Variants in NXN observed in about 807,000 individuals in gnomAD.
The protein encoded by NXN is nucleoredoxin 1.
NXN carries 16 observed loss-of-function variants against 48.6 expected under a neutral mutation model. The observed-to-expected ratio is 0.33, with a 90% CI of 0.22 to 0.50. NXN has a LOEUF of 0.50. Among genes scored for constraint, NXN ranks in the 20% least tolerant of loss-of-function variants. The pLI is 0.98. For synonymous variants in NXN, 281 were observed against 269.6 expected (o/e 1.04, Z -0.41); for missense variants, 492 against 605.5 (o/e 0.81, Z 1.97).
intron 1 of NXN, among the ~76,000 whole-genome samples, chr17:963,024 C>T (rs1305071826): frequency 1.3e-5 from 2 of 152,088 alleles, no homozygotes; most frequent in South Asian, 2.1e-4. Flanking sequence ...TGTTCCTTGT[C>T]TCTAACTGTG....
At chr17:860,310 G>A (rs1056240319) in intron 1 of NXN, among the ~76,000 whole-genome samples, 1 of 145,690 alleles carries the variant, frequency 6.9e-6, no homozygotes, top group Non-Finnish European at 1.5e-5. Context: ...TTTCCATAGA[G>A]ACAGGGTTTC....
At chr17:831,571 C>G (rs1191907706) in intron 1 of NXN, among the ~76,000 whole-genome samples, 2 of 151,998 alleles carry the variant, frequency 1.3e-5, no homozygotes, top group Non-Finnish European at 2.9e-5. Context: ...GCAACCTCCC[C>G]TCATTGCAAC....
chr17:978,907 G>A lies in NXN; in HGVS notation c.360+412C>T, dbSNP rs1280645604. Among the ~76,000 whole-genome samples, 1 of 151,230 alleles carries A rather than the reference G, an allele frequency of 6.6e-6. No individual in the cohort carries two copies. The highest frequency in any genetic ancestry group is 1.5e-5 in the Non-Finnish European group (1 of 67,698). ...GCGGCGGAGGCAGGAAGGGCCTGGC[G>A]CCTCTGCTCGCGGGTGAAGGGGTCG... On this transcript the variant is annotated intron_variant, in intron 1 of 7. Coordinates refer to ENST00000336868, the MANE Select transcript of NXN (RefSeq NM_022463.5). This position sits in a 1 kb window ranked among gnomAD's most constrained non-coding sequence, Gnocchi z 4.1.
intron 1 of NXN, among the ~76,000 whole-genome samples, chr17:888,417 C>T (rs576838065): frequency 8.5e-5 from 13 of 152,098 alleles, no homozygotes; most frequent in Admixed American, 4.6e-4. Context: ...GATGGGGTCT[C>T]GCTGTGTTGC....
chr17:894,812 C>T (rs2068458702), intron 1 of NXN, among the ~76,000 whole-genome samples: 1 of 152,092 alleles, frequency 6.6e-6, no homozygotes, highest in Admixed American at 6.6e-5. Flanking sequence ...GCTAAAATAC[C>T]CCCTTCCATC....
intron 1 of NXN, among the ~76,000 whole-genome samples, chr17:953,371 C>T (rs1359700248): frequency 6.6e-6 from 1 of 152,030 alleles, no homozygotes; most frequent in Non-Finnish European, 1.5e-5. Flanking sequence ...GCTGAGATCG[C>T]GCCACTGCAC....
intron 7 of NXN, among the ~76,000 whole-genome samples, chr17:802,234 A>G (rs1260859474): frequency 6.6e-6 from 1 of 151,826 alleles, no homozygotes; most frequent in Non-Finnish European, 1.5e-5. Flanking sequence ...CAATCCTCCC[A>G]CCTCAGCCTC....
At chr17:910,867 G>C (rs975965612) in intron 1 of NXN, 2 of 152,192 alleles carry the variant, frequency 1.3e-5, no homozygotes, top group South Asian at 4.1e-4. Context: ...CTCACACAGG[G>C]ATGTAACAGG....
At chr17:962,997 G>A (rs1386110034) in intron 1 of NXN, among the ~76,000 whole-genome samples, 1 of 151,950 alleles carries the variant, frequency 6.6e-6, no homozygotes, top group Admixed American at 6.6e-5. Flanking sequence ...TAAGGAGAGC[G>A]GTGGTTTGAG....
In NXN at chr17:889,745, A is replaced by AG. The variant is rs1555619006; in HGVS notation, c.361-63668_361-63667insC. 2.9e-3 allele frequency among the ~76,000 whole-genome samples: 167 copies of AG among 58,216 alleles called. 4 individuals carry two copies. Among genetic ancestry groups the AG allele is most frequent in the African/African-American group, 0.013 (162 of 12,360 alleles). 38.2% of individuals were successfully genotyped at this position (58,216 alleles called of 152,430 possible). A position where few individuals can be genotyped will look rare whatever the true frequency, so the allele number is the denominator to read the frequency against. On this transcript the variant is annotated intron_variant, in intron 1 of 7. Transcript: ENST00000336868. ...AAAGAAAGAAAGAAAGAAAGAAAGA[A>AG]AGAAAGAAAGAAAGAAAAAGAAAGA...
chr17:938,450 G>C (rs566134788), intron 1 of NXN, among the ~76,000 whole-genome samples: 1 of 151,230 alleles, frequency 6.6e-6, no homozygotes, highest in Non-Finnish European at 1.5e-5. Context: ...GGGAGGCTGA[G>C]GCAGGCGGAT....
chr17:829,116 G>A (rs969220429), intron 1 of NXN, among the ~76,000 whole-genome samples: 1 of 147,588 alleles, frequency 6.8e-6, no homozygotes, highest in African/African-American at 2.5e-5. Flanking sequence ...GGGAAAAAAT[G>A]ACAAGTCATT....
intron 1 of NXN, among the ~76,000 whole-genome samples, chr17:879,295 GT>G (rs762029954): frequency 0.14 from 8,385 of 60,176 alleles, 467 homozygotes; most frequent in African/African-American, 0.23. Flanking sequence ...TTGGTTTTTT[GT>G]TTTTTTTTTT....
At chr17:896,856 C>CCGGGGGGGGGGGGGGGGG in intron 1 of NXN, 1 of 1,156,930 alleles carries the variant, frequency 8.6e-7, no homozygotes, top group Non-Finnish European at 1.1e-6. Context: ...CGGTCCTGAC[C>CCGGGGGGGGGGGGGGGGG]ACCCGCCCCC....
intron 1 of NXN, among the ~76,000 whole-genome samples, chr17:881,539 T>G (rs927634465): frequency 3.3e-5 from 5 of 152,212 alleles, no homozygotes; most frequent in African/African-American, 4.8e-5. Context: ...TACAACCACT[T>G]TGAAGAACCG....
At chr17:860,889 G>T (rs956000467) in intron 1 of NXN, among the ~76,000 whole-genome samples, 14 of 152,210 alleles carry the variant, frequency 9.2e-5, no homozygotes, top group African/African-American at 2.2e-4. Flanking sequence ...CTAGCTCTCT[G>T]ACTATTCCTC....
chr17:921,854 T>G (rs1156691439), intron 1 of NXN, among the ~76,000 whole-genome samples: 1 of 151,778 alleles, frequency 6.6e-6, no homozygotes, highest in Non-Finnish European at 1.5e-5. Flanking sequence ...CTCTCCCTCA[T>G]TGGCCACTGG....
chr17:970,789 A>G (rs969641721), intron 1 of NXN, among the ~76,000 whole-genome samples: 1 of 152,194 alleles, frequency 6.6e-6, no homozygotes, highest in African/African-American at 2.4e-5. Context: ...CAGCTCTAAC[A>G]TACTTGGAAA....
chr17:841,609 CAGAGCATCTCACACG>C (rs1914290847), intron 1 of NXN, among the ~76,000 whole-genome samples: 1 of 112,084 alleles, frequency 8.9e-6, no homozygotes. Flanking sequence ...CCCCCGACCA[CAGAGCATCTCACACG>C]GGCAAGCAGG....
Sources: gnomAD v4.1 joint callset for allele counts (sites outside exome capture counted in the v4.1 genomes callset) on GRCh38, gnomAD v4.1.1 for gene constraint, Gnocchi (gnomAD v3.1) non-coding constraint, MANE v1.5 for transcripts, NCBI Gene and HGNC (gene_info 2026-07-23, HGNC 2026-07-21) for gene names.